The following PPP2R1B variants were observed in gnomAD, a reference collection of about 807,000 sequenced individuals.
PPP2R1B encodes protein phosphatase 2 scaffold subunit Abeta.
A neutral mutation model predicts 72.7 loss-of-function variants in PPP2R1B; 58 were observed. That is an observed-to-expected ratio of 0.80 (90% CI 0.65 to 0.99). The LOEUF is 0.99. PPP2R1B is among the 50% of genes least tolerant of loss of function. PPP2R1B has a pLI of 0.00. For missense variants in PPP2R1B, 695 were observed against 733.6 expected, an observed-to-expected ratio of 0.95 and a Z score of 0.61; for synonymous variants, 256 against 264.6, an observed-to-expected ratio of 0.97 and a Z score of 0.32.
chr11:111,751,572 C>T (rs1322845655), intron 10 of PPP2R1B, among the ~76,000 whole-genome samples: 1 of 152,206 alleles, frequency 6.6e-6, no homozygotes, highest in African/African-American at 2.4e-5. Context: ...GCTGCTCAAC[C>T]AGTAAATATT....
chr11:111,743,918 A>G (rs1944611654), intron 11 of PPP2R1B, among the ~76,000 whole-genome samples: 3 of 152,210 alleles, frequency 2.0e-5, no homozygotes, highest in Admixed American at 6.5e-5. Context: ...TGTGTAGTAA[A>G]GGCTGTGAGG....
intron 3 of PPP2R1B, chr11:111,761,326 T>C (rs1475911700): frequency 3.7e-6 from 2 of 537,260 alleles, no homozygotes; most frequent in African/African-American, 3.8e-5. Flanking sequence ...CTTGACACAA[T>C]ATTAATATTA....
At chr11:111,761,141 G>A in intron 3 of PPP2R1B, 90 bp from the exon 4 acceptor site, 1 of 1,070,986 alleles carries the variant, frequency 9.3e-7, no homozygotes, top group South Asian at 1.3e-5. Flanking sequence ...CTGAAGGGAG[G>A]TGGTACACGT....
chr11:111,699,327 C>T, the PPP2R1B span, among the ~76,000 whole-genome samples: 1 of 152,310 alleles, frequency 6.6e-6, no homozygotes, highest in South Asian at 2.1e-4. Flanking sequence ...TTTTCTACCC[C>T]TCCTATCTAC....
At chr11:111,746,574 T>A (rs918764530) in intron 11 of PPP2R1B, among the ~76,000 whole-genome samples, 1 of 152,214 alleles carries the variant, frequency 6.6e-6, no homozygotes, top group African/African-American at 2.4e-5. Flanking sequence ...CAAACCACCA[T>A]GGCACATGTA....
chr11:111,705,541 C>T, the PPP2R1B span, among the ~76,000 whole-genome samples: 7 of 152,098 alleles, frequency 4.6e-5, no homozygotes, highest in Non-Finnish European at 1.0e-4. This position sits in a 1 kb window ranked among gnomAD's most constrained non-coding sequence, Gnocchi z 4.3. Flanking sequence ...AGATCATAAA[C>T]AACCATCATT....
downstream of PPP2R1B, chr11:111,722,638 G>A (rs768170098): frequency 1.6e-5 from 26 of 1,605,826 alleles, no homozygotes; most frequent in Middle Eastern, 1.7e-4. This position sits in a 1 kb window ranked among gnomAD's most constrained non-coding sequence, Gnocchi z 4.4. Context: ...ACATTGTCAC[G>A]CTCATGTTGT....
At chr11:111,750,564 G>A (rs565449987) in intron 10 of PPP2R1B, among the ~76,000 whole-genome samples, 36 of 152,082 alleles carry the variant, frequency 2.4e-4, no homozygotes, top group Non-Finnish European at 4.6e-4. Flanking sequence ...CCCTAAAAGA[G>A]ATCACCCATC....
At chr11:111,722,152 A>G (rs536934888), downstream of PPP2R1B, among the ~76,000 whole-genome samples, 5 of 152,320 alleles carry the variant, frequency 3.3e-5, no homozygotes, top group Admixed American at 3.3e-4. The surrounding 1 kb of genome is among the most constrained non-coding windows in gnomAD (Gnocchi z 4.4). Context: ...TTTGTCCTCA[A>G]GCCCCACGAA....
At chr11:111,718,148 G>GTCCC in the PPP2R1B span, among the ~76,000 whole-genome samples, 1 of 152,286 alleles carries the variant, frequency 6.6e-6, no homozygotes, top group East Asian at 1.9e-4. Flanking sequence ...GACGGAGGCC[G>GTCCC]TAAGTGTAAG....
intron 14 of PPP2R1B, 37 bp downstream of exon 14, chr11:111,742,016 A>G (rs753769133): frequency 2.6e-6 from 4 of 1,511,776 alleles, no homozygotes; most frequent in Non-Finnish European, 2.8e-6. Context: ...CAGTTAACCA[A>G]GGCATAAGCT....
At chr11:111,703,768 C>A in the PPP2R1B span, among the ~76,000 whole-genome samples, 1 of 152,044 alleles carries the variant, frequency 6.6e-6, no homozygotes. Flanking sequence ...TGTAAATGTG[C>A]AGATAGGCAA....
chr11:111,758,216 T>C (rs1945195031), intron 5 of PPP2R1B, among the ~76,000 whole-genome samples: 1 of 152,224 alleles, frequency 6.6e-6, no homozygotes, highest in South Asian at 2.1e-4. Context: ...ACATGGCCAG[T>C]AGAAAACTTA....
the PPP2R1B span, among the ~76,000 whole-genome samples, chr11:111,711,626 A>T: frequency 6.6e-6 from 1 of 152,144 alleles, no homozygotes; most frequent in Non-Finnish European, 1.5e-5. Flanking sequence ...CATCTCCTTG[A>T]AGGAAGGAAG....
At chr11:111,742,292 A>T in intron 13 of PPP2R1B, 148 bp from the exon 14 acceptor site, 1 of 810,996 alleles carries the variant, frequency 1.2e-6, no homozygotes, top group Non-Finnish European at 1.9e-6. Context: ...ATAATGTCTA[A>T]AGAAATTCTC....
At chr11:111,723,940 C>T, downstream of PPP2R1B, 2 of 1,614,114 alleles carry the variant, frequency 1.2e-6, no homozygotes, top group Non-Finnish European at 8.5e-7. Flanking sequence ...ATCCCACTCC[C>T]TGTCAGTATC....
the PPP2R1B span, among the ~76,000 whole-genome samples, chr11:111,689,072 A>G: frequency 6.6e-6 from 1 of 152,234 alleles, no homozygotes; most frequent in Non-Finnish European, 1.5e-5. Flanking sequence ...TGTCAGGAAG[A>G]TAAACAGAAG....
chr11:111,735,848 C>T (rs2136022469), downstream of PPP2R1B, among the ~76,000 whole-genome samples: 1 of 152,324 alleles, frequency 6.6e-6, no homozygotes, highest in South Asian at 2.1e-4. Context: ...TTTCTGGTTG[C>T]AATTGGATGA....
chr11:111,706,356 G>A, the PPP2R1B span, among the ~76,000 whole-genome samples: 1 of 152,154 alleles, frequency 6.6e-6, no homozygotes, highest in African/African-American at 2.4e-5. Context: ...TTGCTCAGGA[G>A]GAAGATGTGG....
Sources: allele counts gnomAD v4.1 joint callset (sites outside exome capture counted in the v4.1 genomes callset), GRCh38; gene constraint gnomAD v4.1.1; non-coding constraint Gnocchi (gnomAD v3.1); transcripts MANE v1.5; gene names NCBI Gene and HGNC (gene_info 2026-07-23, HGNC 2026-07-21).